The following WWOX variants were observed in gnomAD, a reference collection of about 807,000 sequenced individuals.
WWOX encodes the protein WW domain containing oxidoreductase.
In WWOX, 69 loss-of-function variants were observed where a neutral mutation model predicts 46.2. The observed-to-expected ratio is 1.49, with a 90% CI of 1.23 to 1.82. The LOEUF is 1.82. Among genes scored for constraint, WWOX ranks in the 40% most tolerant of loss-of-function variants. The pLI is 0.00. For synonymous variants in WWOX, 359 were observed against 202.6 expected, an observed-to-expected ratio of 1.77 and a Z score of -6.56; for missense variants, 919 against 542.6, an observed-to-expected ratio of 1.69 and a Z score of -6.89.
At chr16:79,061,312 G>C (rs1445536087) in intron 8 of WWOX, among the ~76,000 whole-genome samples, 1 of 152,148 alleles carries the variant, frequency 6.6e-6, no homozygotes, top group African/African-American at 2.4e-5. Flanking sequence ...TATTATATTA[G>C]CCCGGCACTG....
chr16:78,560,673 T>A (rs981950941), intron 8 of WWOX, among the ~76,000 whole-genome samples: 4 of 151,968 alleles, frequency 2.6e-5, no homozygotes, highest in African/African-American at 4.8e-5. Flanking sequence ...AATGTTACAA[T>A]AATAATAATG....
At chr16:78,521,872 C>T (rs74029521) in intron 8 of WWOX, among the ~76,000 whole-genome samples, 1 of 151,752 alleles carries the variant, frequency 6.6e-6, no homozygotes, top group Non-Finnish European at 1.5e-5. Flanking sequence ...TGGGGTGGCT[C>T]ATAGGAGAAG....
At chr16:78,542,115 T>G (rs1034576003) in intron 8 of WWOX, among the ~76,000 whole-genome samples, 5 of 151,660 alleles carry the variant, frequency 3.3e-5, no homozygotes, top group African/African-American at 1.2e-4. Flanking sequence ...TAATACTTCT[T>G]GGAGAAACCT....
intron 8 of WWOX, chr16:78,891,022 T>C (rs28627097): frequency 1.3e-5 from 2 of 152,176 alleles, no homozygotes; most frequent in Admixed American, 1.3e-4. Flanking sequence ...ACAGGTTGCC[T>C]TTCCTAAATC....
At chr16:78,579,518 G>T (rs553574623) in intron 8 of WWOX, among the ~76,000 whole-genome samples, 30 of 152,232 alleles carry the variant, frequency 2.0e-4, no homozygotes, top group African/African-American at 7.0e-4. Flanking sequence ...GATGAGGCTG[G>T]CGAGAGAGAA....
intron 8 of WWOX, among the ~76,000 whole-genome samples, chr16:78,967,481 T>C (rs1250346833): frequency 1.6e-5 from 2 of 127,090 alleles, no homozygotes; most frequent in African/African-American, 5.6e-5. Context: ...TTTTTTTTTT[T>C]CCTGCTGAGA....
At chr16:79,020,282 A>G (rs2047504996) in intron 8 of WWOX, among the ~76,000 whole-genome samples, 1 of 152,242 alleles carries the variant, frequency 6.6e-6, no homozygotes, top group South Asian at 2.1e-4. Context: ...TGGGGCAGTC[A>G]TGGAAGACTT....
At chr16:78,884,743 G>A (rs2044417862) in intron 8 of WWOX, among the ~76,000 whole-genome samples, 1 of 152,138 alleles carries the variant, frequency 6.6e-6, no homozygotes, top group South Asian at 2.1e-4. Context: ...TACTGGGTGT[G>A]TTCAGTTTAT....
intron 8 of WWOX, among the ~76,000 whole-genome samples, chr16:78,973,993 C>G (rs1176631746): frequency 2.0e-5 from 3 of 152,190 alleles, no homozygotes; most frequent in South Asian, 4.1e-4. Context: ...AGTCAGCTTT[C>G]TTTTCCCTAG....
rs184998399 is a variant in WWOX, at chr16:78,431,517, C to G, written c.792-971C>G. On this transcript the variant is annotated intron_variant, in intron 7 of 8. Transcript: ENST00000566780. ...TAGGAATGTGATATCTTTCTGTTTC[C>G]AAAAGCAGCAGCCCTTTATTCAAGA... is the stretch of plus-strand genomic sequence containing the variant. 1.4e-4 allele frequency among the ~76,000 whole-genome samples: 22 copies of G among 152,224 alleles called. No homozygotes were observed. The East Asian group carries it at 1.9e-3, about 13-fold the overall frequency.
At chr16:78,827,460 G>C (rs564071648) in intron 8 of WWOX, among the ~76,000 whole-genome samples, 2 of 149,778 alleles carry the variant, frequency 1.3e-5, no homozygotes, top group East Asian at 2.0e-4. Flanking sequence ...TGTTCTGCAA[G>C]TTTCTCCTTA....
At chr16:78,127,132 G>C (rs1184786145) in intron 4 of WWOX, among the ~76,000 whole-genome samples, 1 of 152,106 alleles carries the variant, frequency 6.6e-6, no homozygotes, top group Non-Finnish European at 1.5e-5. Context: ...TGTATGACCC[G>C]AGCAAGTTAC....
intron 8 of WWOX, among the ~76,000 whole-genome samples, chr16:79,184,619 T>A (rs1428427389): frequency 6.6e-6 from 1 of 152,168 alleles, no homozygotes; most frequent in East Asian, 1.9e-4. Flanking sequence ...TGTACCTGCC[T>A]CTCCTGAGGG....
intron 6 of WWOX, among the ~76,000 whole-genome samples, chr16:78,387,596 G>T (rs2082086860): frequency 1.3e-5 from 2 of 152,140 alleles, no homozygotes; most frequent in South Asian, 4.2e-4. Context: ...AGGGGGTGGG[G>T]AGACAGAGAG....
chr16:78,375,394 C>A (rs572920265), intron 5 of WWOX, among the ~76,000 whole-genome samples: 2 of 152,310 alleles, frequency 1.3e-5, no homozygotes, highest in South Asian at 2.1e-4. Context: ...ACTTGCATTT[C>A]TATTTAATGG....
chr16:78,650,855 A>T (rs1364300664), intron 8 of WWOX, among the ~76,000 whole-genome samples: 1 of 152,064 alleles, frequency 6.6e-6, no homozygotes, highest in Non-Finnish European at 1.5e-5. Context: ...TAGACAGAAT[A>T]TTTCGGATTT....
intron 8 of WWOX, among the ~76,000 whole-genome samples, chr16:78,738,918 C>T (rs1020955282): frequency 7.2e-5 from 11 of 152,124 alleles, no homozygotes; most frequent in Non-Finnish European, 1.5e-4. Context: ...TGATCATTTG[C>T]CTTCATTGCT....
At chr16:78,580,484 C>T (rs547365757) in intron 8 of WWOX, among the ~76,000 whole-genome samples, 1 of 152,328 alleles carries the variant, frequency 6.6e-6, no homozygotes, top group African/African-American at 2.4e-5. Context: ...AAAACAAGGA[C>T]TCCTGGCAGA....
intron 5 of WWOX, among the ~76,000 whole-genome samples, chr16:78,242,914 A>G (rs2037703710): frequency 1.3e-5 from 2 of 152,146 alleles, no homozygotes; most frequent in African/African-American, 2.4e-5. Context: ...AGGCTGAGGC[A>G]TGAGAATTGC....
Sources: allele counts gnomAD v4.1 joint callset (sites outside exome capture counted in the v4.1 genomes callset), GRCh38; gene constraint gnomAD v4.1.1; transcripts MANE v1.5; gene names NCBI Gene and HGNC (gene_info 2026-07-23, HGNC 2026-07-21).